Variants in HAL observed in about 807,000 individuals in gnomAD.
The protein encoded by HAL is histidase.
A neutral mutation model predicts 81.1 loss-of-function variants in HAL; 85 were observed. The observed-to-expected ratio is 1.05, with a 90% CI of 0.88 to 1.25. HAL has a LOEUF of 1.25. Among genes scored for constraint, HAL ranks in the 50% most tolerant of loss-of-function variants. The pLI, the probability that HAL is intolerant of heterozygous loss-of-function variation, is 0.00. For missense variants in HAL, 798 were observed against 836.6 expected, an observed-to-expected ratio of 0.95 and a Z score of 0.57; for synonymous variants, 301 against 309.2, an observed-to-expected ratio of 0.97 and a Z score of 0.28.
chr12:95,979,019 T>C (rs1218965608), intron 17 of HAL, among the ~76,000 whole-genome samples: 1 of 152,210 alleles, frequency 6.6e-6, no homozygotes, highest in African/African-American at 2.4e-5. Context: ...CCCTAAACTG[T>C]GGACTATACA....
intron 14 of HAL, among the ~76,000 whole-genome samples, chr12:95,984,251 G>A (rs990131610): frequency 1.3e-5 from 2 of 152,124 alleles, no homozygotes; most frequent in African/African-American, 4.8e-5. Context: ...GCATGGTGTG[G>A]GAGGAAGAAT....
At chr12:95,977,854 G>T in intron 18 of HAL, 90 bp downstream of exon 18, 2 of 1,356,366 alleles carry the variant, frequency 1.5e-6, no homozygotes, top group South Asian at 1.2e-5. Flanking sequence ...TCCAGGTGAT[G>T]CTGATGTTGC....
At chr12:95,995,599 A>G in intron 2 of HAL, 65 bp downstream of exon 2, 1 of 1,602,290 alleles carries the variant, frequency 6.2e-7, no homozygotes, top group Non-Finnish European at 8.5e-7. Flanking sequence ...GTGGGGGTTC[A>G]ATGCTGCAAA....
rs3764038 is a variant in HAL, at chr12:95,977,892, G to C, written c.1654+52C>G. The C allele has an allele frequency of 4.4e-5, 70 of 1,600,092 alleles. 1 individual carries two copies. Among genetic ancestry groups the C allele is most frequent in the Non-Finnish European group, 5.7e-5 (67 of 1,168,438 alleles). On this transcript the variant is annotated intron_variant, in intron 18 of 20. Transcript: ENST00000261208. The stretch of plus-strand genomic sequence containing the variant: ...GTGGGAGATCCCACTTGAGAACCAC[G>C]GGCACAGTGGTCTATCAGGCAGGCC...
intron 20 of HAL, among the ~76,000 whole-genome samples, chr12:95,975,160 G>C (rs2080700751): frequency 6.6e-6 from 1 of 152,206 alleles, no homozygotes; most frequent in Non-Finnish European, 1.5e-5. Context: ...CTCAAAGCGT[G>C]GCCTGTGCCC....
In HAL at chr12:95,973,341, C is replaced by T. The variant is rs772821443; in HGVS notation, c.*891G>A. 3.3e-5 allele frequency: 5 copies of T among 152,118 alleles called. No individual in the cohort carries two copies. Among genetic ancestry groups the T allele is most frequent in the Non-Finnish European group, 7.3e-5 (5 of 68,028 alleles). The allele number at this position is 152,118 out of a possible 1,614,324, so 9.4% of individuals were successfully genotyped here. ...AGATGCAGTAATACACTCTAGGGCT[C>T]CATCTGACCTTTATCAATAGGACTT... On this transcript the variant is annotated 3_prime_UTR_variant, in exon 21 of 21. Transcript: ENST00000261208.
chr12:95,993,979 T>TTC lies in HAL; in HGVS notation c.429_430dup (p.Lys144ArgfsTer11). 1 of 1,612,092 alleles carries TTC rather than the reference T, an allele frequency of 6.2e-7. No individual in the cohort carries two copies. Among genetic ancestry groups the TTC allele is most frequent in the East Asian group, 2.2e-5 (1 of 44,864 alleles). On this transcript the variant is annotated frameshift_variant, in exon 6 of 21. Transcript: ENST00000261208. LOFTEE classifies it high-confidence loss of function. ...GACCTCCCTGGATTTCTGCACCCTCTTCTCAGCTGTTGGGGTGAGCTAGGA... is the reference window on the plus strand; with the variant it reads ...GACCTCCCTGGATTTCTGCACCCTCTTCTCTCAGCTGTTGGGGTGAGCTAGGA...
At chr12:95,993,301 T>C (rs1949994306) in intron 8 of HAL, 150 bp downstream of exon 8, 1 of 722,156 alleles carries the variant, frequency 1.4e-6, no homozygotes, top group African/African-American at 1.7e-5. Context: ...GCTGATTCTT[T>C]CTGCATCCCT....
intron 15 of HAL, 173 bp downstream of exon 15, chr12:95,983,738 C>T (rs1949840664): frequency 4.7e-6 from 3 of 640,266 alleles, no homozygotes. Flanking sequence ...CTGCCACTTA[C>T]CAGCTCTGAC....
chr12:95,992,940 T>C, intron 8 of HAL, 135 bp from the exon 9 acceptor site: 1 of 795,566 alleles, frequency 1.3e-6, no homozygotes. Context: ...CTCAGGTAGT[T>C]GGACTACTCT....
At chr12:95,980,752 T>A (rs376756376) in intron 16 of HAL, 31 bp from the exon 17 acceptor site, 2 of 1,607,648 alleles carry the variant, frequency 1.2e-6, no homozygotes, top group Admixed American at 3.3e-5. Flanking sequence ...AGTCAGCCTA[T>A]ATTGAAATGT....
In HAL at chr12:95,996,119, C is replaced by T. The variant is rs914213499; in HGVS notation, c.-123G>A. The T allele has an allele frequency of 5.1e-6, 3 of 592,144 alleles. No homozygotes were observed. The highest frequency in any genetic ancestry group is 3.7e-5 in the African/African-American group (2 of 54,464). 36.7% of individuals were successfully genotyped at this position (592,144 alleles called of 1,614,324 possible). The stretch of plus-strand genomic sequence containing the variant: ...TTTTGTAGCCGAGCAGGGGCAGGAG[C>T]AGGGGATGCAGACGGGTGAGCCTCC... On this transcript the variant is annotated 5_prime_UTR_variant, in exon 1 of 21. Transcript: ENST00000261208.
At chr12:95,990,951 C>T (rs1347787298) in intron 9 of HAL, among the ~76,000 whole-genome samples, 1 of 152,120 alleles carries the variant, frequency 6.6e-6, no homozygotes, top group African/African-American at 2.4e-5. Context: ...CTCTGCAAAA[C>T]ATACAAAAAT....
chr12:95,988,050 G>A lies in HAL; in HGVS notation c.903+143C>T, dbSNP rs556268064. ...CATAAAGAATCTTTTAAATTCTTAC[G>A]GAGTTGCCCCTTCTTCAGGGATGAA... On this transcript the variant is annotated intron_variant, in intron 11 of 20. Coordinates refer to ENST00000261208, the MANE Select transcript of HAL (RefSeq NM_002108.4). 130 of 676,252 alleles carry A rather than the reference G, an allele frequency of 1.9e-4. No individual in the cohort carries two copies. In the East Asian group the frequency reaches 2.5e-3, roughly 13 times the overall value. 41.9% of individuals were successfully genotyped at this position (676,252 alleles called of 1,614,324 possible). A position where few individuals can be genotyped will look rare whatever the true frequency, so the allele number is the denominator to read the frequency against.
At chr12:95,979,240 T>C (rs1311668902) in intron 17 of HAL, among the ~76,000 whole-genome samples, 1 of 152,198 alleles carries the variant, frequency 6.6e-6, no homozygotes, top group East Asian at 1.9e-4. Context: ...TTGTGAGAAA[T>C]TTCTACCTGT....
chr12:95,990,398 T>C lies in HAL; in HGVS notation c.850A>G (p.Lys284Glu), dbSNP rs1220609748. 1 of 1,613,198 alleles carries C rather than the reference T, an allele frequency of 6.2e-7. No homozygotes were observed. Among genetic ancestry groups the C allele is most frequent in the Non-Finnish European group, 8.5e-7 (1 of 1,179,236 alleles). Residue 284 changes from lysine to glutamate, a missense_variant, in exon 10 of 21, where the codon AAA (lysine) becomes GAA (glutamate). By Grantham distance (56) the Lys-to-Glu change is moderately conservative. Transcript: ENST00000261208. ...GAAGCTGCTACGAGTCTTACGTATT[T>C]AGCATCAGCCCAGCCACTCTTCGGA... ...WSPKSGWADA[K>E]YVLEAHGLKP...
chr12:95,990,190 A>G, intron 10 of HAL: 1 of 635,144 alleles, frequency 1.6e-6, no homozygotes, highest in Admixed American at 2.2e-5. Context: ...GACCAAACCC[A>G]GAAGGCTGAC....
At chr12:95,988,442 A>G (rs1248392582) in intron 10 of HAL, among the ~76,000 whole-genome samples, 1 of 151,980 alleles carries the variant, frequency 6.6e-6, no homozygotes, top group Non-Finnish European at 1.5e-5. Flanking sequence ...CTTATCTTTC[A>G]ATTAATTTTT....
intron 18 of HAL, 121 bp downstream of exon 18, chr12:95,977,823 A>C: frequency 9.8e-7 from 1 of 1,021,490 alleles, no homozygotes; most frequent in Non-Finnish European, 1.5e-6. Context: ...GAGGCCTGAG[A>C]GTCTGCCTTC....
Sources: allele counts gnomAD v4.1 joint callset (sites outside exome capture counted in the v4.1 genomes callset), GRCh38; gene constraint gnomAD v4.1.1; transcripts MANE v1.5; gene names NCBI Gene and HGNC (gene_info 2026-07-23, HGNC 2026-07-21).